The following CACNB4 variants were observed in gnomAD, a reference collection of about 807,000 sequenced individuals.
CACNB4 encodes the protein calcium voltage-gated channel auxiliary subunit beta 4, also known as voltage-dependent L-type calcium channel subunit beta-4.
A neutral mutation model predicts 71.2 loss-of-function variants in CACNB4; 32 were observed. That is an observed-to-expected ratio of 0.45 (90% CI 0.34 to 0.60). The LOEUF (loss-of-function observed/expected upper bound fraction) is 0.60. Ranked by LOEUF, CACNB4 falls within the 20% of genes least tolerant of loss-of-function variation. CACNB4 has a pLI of 0.01. For synonymous variants in CACNB4, 231 were observed against 236.9 expected (o/e 0.97, Z 0.23); for missense variants, 464 against 647.9 (o/e 0.72, Z 3.08).
intron 2 of CACNB4, among the ~76,000 whole-genome samples, chr2:151,894,339 T>C (rs1578678980): frequency 6.6e-6 from 1 of 152,188 alleles, no homozygotes; most frequent in African/African-American, 2.4e-5. Flanking sequence ...ACAAAAGCCA[T>C]ATGATCATTT....
chr2:151,899,854 T>A lies in CACNB4; in HGVS notation c.148-16484A>T, dbSNP rs1320698827. On this transcript the variant is annotated intron_variant, in intron 2 of 13. Coordinates refer to ENST00000539935, the MANE Select transcript of CACNB4 (RefSeq NM_000726.5). The stretch of plus-strand genomic sequence containing the variant: ...GTACAATGGCAGGCAAAAAGATAAA[T>A]AAGACACGGTCCTTGCCTAATAAGG... 2.6e-5 allele frequency among the ~76,000 whole-genome samples: 4 copies of A among 152,244 alleles called. No homozygotes were observed. The East Asian group carries it at 5.8e-4, about 22-fold the overall frequency.
rs2099839948 is a variant in CACNB4, at chr2:151,855,115, T to G, written c.1020+109A>C. ...TGTGGAAAGATTTTAAATGTGCTTA[T>G]TAATAATCAGCAAGACGTTCTCCTT... On this transcript the variant is annotated intron_variant, in intron 11 of 13. Transcript: ENST00000539935. The G allele has an allele frequency of 1.2e-5, 8 of 641,224 alleles. No homozygotes were observed. In the South Asian group the frequency reaches 2.6e-4, roughly 21 times the overall value. The allele number at this position is 641,224 out of a possible 1,614,324, so 39.7% of individuals were successfully genotyped here. A position where few individuals can be genotyped will look rare whatever the true frequency, so the allele number is the denominator to read the frequency against.
chr2:151,916,133 C>G (rs182301229), intron 2 of CACNB4, among the ~76,000 whole-genome samples: 7 of 152,258 alleles, frequency 4.6e-5, no homozygotes, highest in African/African-American at 7.2e-5. Context: ...AGGATTCACA[C>G]GCTTATTATG....
At chr2:152,093,907 A>C (rs1688122292) in intron 2 of CACNB4, among the ~76,000 whole-genome samples, 1 of 152,236 alleles carries the variant, frequency 6.6e-6, no homozygotes, top group Admixed American at 6.5e-5. Context: ...CACTAAACAA[A>C]GCATTTAATG....
chr2:152,090,420 G>A (rs1429573192), intron 2 of CACNB4, among the ~76,000 whole-genome samples: 1 of 152,156 alleles, frequency 6.6e-6, no homozygotes, highest in Non-Finnish European at 1.5e-5. Flanking sequence ...TTGGGAGGCC[G>A]AGGCGGGCGG....
chr2:152,049,455 TTC>T (rs1204488470), intron 2 of CACNB4, among the ~76,000 whole-genome samples: 2 of 152,152 alleles, frequency 1.3e-5, no homozygotes, highest in Admixed American at 1.3e-4. Flanking sequence ...CCGGCCTGCA[TTC>T]TCTTTCCCTC....
rs1017255158 is a variant in CACNB4 at position 151,942,527 on chromosome 2, G to A, written c.148-59157C>T. Reference sequence around the variant, plus strand: ...AAAATAACAGCGATTTTTAGGGAACGAAGGAAGACAACCATAAGGTCTGAC... The same window carrying A: ...AAAATAACAGCGATTTTTAGGGAACAAAGGAAGACAACCATAAGGTCTGAC... On this transcript the variant is annotated intron_variant, in intron 2 of 13. Coordinates refer to ENST00000539935, the MANE Select transcript of CACNB4 (RefSeq NM_000726.5). Among the ~76,000 whole-genome samples, 9 of 148,980 alleles carry A rather than the reference G, an allele frequency of 6.0e-5. 1 individual carries two copies. The highest frequency in any genetic ancestry group is 4.2e-4 in the South Asian group (2 of 4,796).
At chr2:151,880,491 T>C (rs973894386) in intron 4 of CACNB4, 1 of 364,080 alleles carries the variant, frequency 2.7e-6, no homozygotes, top group Non-Finnish European at 5.0e-6. Flanking sequence ...GTTGGATCCA[T>C]ATATTTATGG....
intron 12 of CACNB4, chr2:151,852,097 T>C (rs1428407368): frequency 1.3e-5 from 2 of 152,166 alleles, no homozygotes; most frequent in Non-Finnish European, 2.9e-5. Context: ...TAGGAAATTG[T>C]CTTTGGAGCC....
intron 2 of CACNB4, among the ~76,000 whole-genome samples, chr2:151,886,579 G>A (rs930248005): frequency 6.6e-6 from 1 of 152,150 alleles, no homozygotes; most frequent in Non-Finnish European, 1.5e-5. Context: ...AGAAGCAGAA[G>A]TTCCTGTTTA....
At chr2:151,888,272 T>A (rs1490752702) in intron 2 of CACNB4, among the ~76,000 whole-genome samples, 1 of 152,148 alleles carries the variant, frequency 6.6e-6, no homozygotes, top group African/African-American at 2.4e-5. Flanking sequence ...GATTTTAAAA[T>A]GCAACCAGGC....
rs367985639 is a variant in CACNB4, at chr2:152,067,831, A to G, written c.147+30499T>C. The stretch of plus-strand genomic sequence containing the variant: ...ATATGGAAAGGGAAATAATGAATTA[A>G]GTGGTAGTTGTGGTACTTGAATGAC... On this transcript the variant is annotated intron_variant, in intron 2 of 13. Coordinates refer to ENST00000539935, the MANE Select transcript of CACNB4 (RefSeq NM_000726.5). Among the ~76,000 whole-genome samples, 6 of 152,324 alleles carry G rather than the reference A, an allele frequency of 3.9e-5. No homozygotes were observed. In the South Asian group the frequency reaches 1.2e-3, roughly 32 times the overall value.
rs375245807 is a variant in CACNB4, at chr2:151,839,280, G to A, written c.1402C>T (p.Arg468Trp). ...SDENYHNERARKSRNRLSSSS... is the reference protein window; with the variant it reads ...SDENYHNERAWKSRNRLSSSS... ...GAAGACAAGCGGTTCCTACTCTTCC[G>A]AGCCCTTTCATTGTGATAATTTTCA... Residue 468 changes from arginine (R) to tryptophan (W), a missense_variant, in exon 14 of 14, where the codon CGG becomes TGG. Arg to Trp is a moderately radical substitution (Grantham distance 101, BLOSUM62 -3). This residue lies in a region of CACNB4 where 115 missense variants were observed against 128.8 expected (regional missense o/e 0.89). Transcript: ENST00000539935. The A allele has an allele frequency of 1.5e-5, 25 of 1,613,328 alleles. No homozygotes were observed. Among genetic ancestry groups the A allele is most frequent in the Non-Finnish European group, 1.8e-5 (21 of 1,179,500 alleles).
At chr2:151,901,546 C>T (rs967817960) in intron 2 of CACNB4, among the ~76,000 whole-genome samples, 2 of 151,974 alleles carry the variant, frequency 1.3e-5, no homozygotes, top group African/African-American at 4.8e-5. Context: ...ATCTACAATA[C>T]TACAAAATTA....
chr2:151,959,525 G>A (rs540091275), intron 2 of CACNB4, among the ~76,000 whole-genome samples: 1 of 152,268 alleles, frequency 6.6e-6, no homozygotes, highest in South Asian at 2.1e-4. Flanking sequence ...CTATGTAAAT[G>A]CAGCACTCAA....
At chr2:151,931,363 G>A (rs955424662) in intron 2 of CACNB4, among the ~76,000 whole-genome samples, 1 of 152,160 alleles carries the variant, frequency 6.6e-6, no homozygotes, top group African/African-American at 2.4e-5. Flanking sequence ...GTAACATTTA[G>A]TTAAGCTTAG....
intron 2 of CACNB4, among the ~76,000 whole-genome samples, chr2:151,956,641 C>T (rs2099868333): frequency 6.6e-6 from 1 of 152,062 alleles, no homozygotes. Flanking sequence ...TAGTAAAACC[C>T]CTGAATTGTA....
Position 151,834,462 on chromosome 2 carries a change from C to T in CACNB4, c.*4657G>A, listed in dbSNP as rs1300908106. On this transcript the variant is annotated 3_prime_UTR_variant, in exon 14 of 14. Transcript: ENST00000539935. ...ACTTTCTAGTCTTCTCATAATGTCC[C>T]TCAATTACATGAAGCATTTAGAATT... 1 of 151,914 alleles carries T rather than the reference C, an allele frequency of 6.6e-6. No individual in the cohort carries two copies. The highest frequency in any genetic ancestry group is 2.4e-5 in the African/African-American group (1 of 41,406). The allele number at this position is 151,914 out of a possible 1,614,324, so 9.4% of individuals were successfully genotyped here. A position where few individuals can be genotyped will look rare whatever the true frequency, so the allele number is the denominator to read the frequency against.
At chr2:151,898,980 C>T (rs2099852752) in intron 2 of CACNB4, among the ~76,000 whole-genome samples, 3 of 152,182 alleles carry the variant, frequency 2.0e-5, no homozygotes, top group African/African-American at 7.2e-5. Context: ...ATTTTTTCCT[C>T]CCAGAATCAT....
Sources: allele counts gnomAD v4.1 joint callset (sites outside exome capture counted in the v4.1 genomes callset), GRCh38; gene constraint gnomAD v4.1.1; regional missense constraint gnomAD v4.1.1; transcripts MANE v1.5; gene names NCBI Gene and HGNC (gene_info 2026-07-23, HGNC 2026-07-21).